Variants in MAU2 observed in about 807,000 individuals in gnomAD.
MAU2 encodes the protein MAU2 sister chromatid cohesion factor.
In MAU2, 9 loss-of-function variants were observed where a neutral mutation model predicts 89.1. The observed-to-expected ratio is 0.10, with a 90% CI of 0.06 to 0.18. MAU2 has a LOEUF of 0.18. Among genes scored for constraint, MAU2 ranks in the 10% least tolerant of loss-of-function variants. The pLI is 1.00. For missense variants in MAU2, 425 were observed against 803.5 expected (o/e 0.53, Z 5.69); for synonymous variants, 357 against 343.4 (o/e 1.04, Z -0.44).
At chr19:19,352,030 G>A (rs2146709842) in intron 16 of MAU2, among the ~76,000 whole-genome samples, 1 of 151,734 alleles carries the variant, frequency 6.6e-6, no homozygotes, top group Middle Eastern at 3.4e-3. Flanking sequence ...TGTATTTTTA[G>A]TAGAAATGGG....
intron 16 of MAU2, among the ~76,000 whole-genome samples, chr19:19,350,703 A>G (rs930421733): frequency 2.0e-5 from 3 of 151,720 alleles, no homozygotes; most frequent in African/African-American, 4.8e-5. Flanking sequence ...GATCGAGACC[A>G]TCCTGGCTAA....
chr19:19,345,808 G>T lies in MAU2; in HGVS notation c.1221+439G>T, dbSNP rs572274557. Among the ~76,000 whole-genome samples the T allele has an allele frequency of 1.3e-5, 2 of 152,154 alleles. No individual in the cohort carries two copies. The highest frequency in any genetic ancestry group is 4.8e-5 in the African/African-American group (2 of 41,438). ...GGAGGACTCTTGGTCCTGCTGGGCCGGAGAGGGTGAAGCAGCACCCCAGGC... is the reference window on the plus strand; with the variant it reads ...GGAGGACTCTTGGTCCTGCTGGGCCTGAGAGGGTGAAGCAGCACCCCAGGC... On this transcript the variant is annotated intron_variant, in intron 12 of 18. Transcript: ENST00000262815. This position sits in a 1 kb window ranked among gnomAD's most constrained non-coding sequence, Gnocchi z 4.9.
Position 19,349,241 on chromosome 19 carries a change from G to A in MAU2, c.1436+9G>A. Reference sequence around the variant, plus strand: ...CGCTACAACGAGGCCAAGTAAGTGTGGGGCAGAGGGTGGCGTGAGGGCCAT... The same window carrying A: ...CGCTACAACGAGGCCAAGTAAGTGTAGGGCAGAGGGTGGCGTGAGGGCCAT... On this transcript the variant is annotated intron_variant, in intron 15 of 18. Coordinates refer to ENST00000262815, the MANE Select transcript of MAU2 (RefSeq NM_015329.4). The A allele has an allele frequency of 6.2e-7, 1 of 1,614,216 alleles. No homozygotes were observed. Among genetic ancestry groups the A allele is most frequent in the Non-Finnish European group, 8.5e-7 (1 of 1,180,048 alleles).
At chr19:19,340,426 T>C (rs1342149757) in intron 5 of MAU2, among the ~76,000 whole-genome samples, 1 of 151,028 alleles carries the variant, frequency 6.6e-6, no homozygotes, top group East Asian at 2.0e-4. Flanking sequence ...GATCACGAGG[T>C]CAGGAGATCG....
chr19:19,340,563 T>C lies in MAU2; in HGVS notation c.552-283T>C, dbSNP rs1205022342. 5.3e-5 allele frequency among the ~76,000 whole-genome samples: 8 copies of C among 150,388 alleles called. 1 individual carries two copies. In the East Asian group the frequency reaches 9.9e-4, roughly 19 times the overall value. On this transcript the variant is annotated intron_variant, in intron 5 of 18. Transcript: ENST00000262815. ...CTGAGGCAGGAGAATGGCGTGAACCTGGGAGGCTGAGCTTGCAGTGAGCTG... is the reference window on the plus strand; with the variant it reads ...CTGAGGCAGGAGAATGGCGTGAACCCGGGAGGCTGAGCTTGCAGTGAGCTG...
chr19:19,334,732 C>A, intron 1 of MAU2: 1 of 397,608 alleles, frequency 2.5e-6, no homozygotes, highest in Non-Finnish European at 3.4e-6. Context: ...CCTCACCTCC[C>A]TGGCCCTCTG....
chr19:19,334,545 C>G (rs544742796), intron 1 of MAU2: 9 of 985,658 alleles, frequency 9.1e-6, no homozygotes, highest in Non-Finnish European at 1.1e-5. Context: ...CCTCCGCACT[C>G]CCTTCGTGAA....
chr19:19,347,677 C>T (rs1055019472), intron 13 of MAU2: 12 of 241,412 alleles, frequency 5.0e-5, no homozygotes, highest in Non-Finnish European at 8.9e-5. Context: ...AGGATGTCGG[C>T]CAGGCATTGA....
intron 16 of MAU2, among the ~76,000 whole-genome samples, chr19:19,351,837 ATTTTTTTTTTTT>A (rs35932608): frequency 0.02 from 1,154 of 59,090 alleles, 11 homozygotes; most frequent in Admixed American, 0.03. Context: ...CTGTTTGGTA[ATTTTTTTTTTTT>A]TTTTTTTTTT....
Position 19,344,880 on chromosome 19 carries a change from C to T in MAU2, c.1109C>T (p.Ser370Phe), listed in dbSNP as rs552627506. Residue 370 changes from serine (S) to phenylalanine (F), a missense_variant, in exon 11 of 19, where the codon TCC becomes TTC. Physicochemically the swap from Ser to Phe is radical, Grantham distance 155. Transcript: ENST00000262815. ...ISQVCQLCQQ[S>F]PRLFSNHAAQ... ...CAGGTCTGCCAGCTGTGCCAGCAGTCCCCCCGGCTCTTCTCCAACCATGCA... is the reference window on the plus strand; with the variant it reads ...CAGGTCTGCCAGCTGTGCCAGCAGTTCCCCCGGCTCTTCTCCAACCATGCA... The T allele has an allele frequency of 1.5e-5, 24 of 1,613,350 alleles. No homozygotes were observed. The Admixed American group carries it at 3.8e-4, about 26-fold the overall frequency.
intron 16 of MAU2, chr19:19,352,909 C>T (rs1171986123): frequency 6.6e-6 from 1 of 152,360 alleles, no homozygotes; most frequent in African/African-American, 2.4e-5. Context: ...CACAGCCAGA[C>T]ACAGCCAAGC....
chr19:19,331,442 C>T (rs1376225124), intron 1 of MAU2, among the ~76,000 whole-genome samples: 1 of 151,026 alleles, frequency 6.6e-6, no homozygotes, highest in Non-Finnish European at 1.5e-5. Flanking sequence ...GTGGAGCTTG[C>T]AGTGAGCTGA....
At chr19:19,332,697 G>A (rs1361220193) in intron 1 of MAU2, among the ~76,000 whole-genome samples, 1 of 152,100 alleles carries the variant, frequency 6.6e-6, no homozygotes. Context: ...GGGGAGATGG[G>A]ATCCTCTCTG....
In MAU2 at chr19:19,355,716, C is replaced by T. The variant is rs764911042; in HGVS notation, c.1776C>T (p.Asp592=). 1.5e-5 allele frequency: 24 copies of T among 1,609,992 alleles called. No homozygotes were observed. In the Middle Eastern group the frequency reaches 6.6e-4, roughly 44 times the overall value. Residue 592 remains aspartate (D), a synonymous_variant, in exon 19 of 19, where the codon GAC becomes GAT. Transcript: ENST00000262815. ...TCCTCTCCTCCCCACAGTGGACAGACGGTCCACCCCCCGTGCAGTTCCAAG... is the reference window on the plus strand; with the variant it reads ...TCCTCTCCTCCCCACAGTGGACAGATGGTCCACCCCCCGTGCAGTTCCAAG... The part of the protein sequence containing the change: ...LPEHNLITWT[D]GPPPVQFQAQ...
intron 1 of MAU2, among the ~76,000 whole-genome samples, chr19:19,328,282 T>C (rs2061527668): frequency 6.6e-6 from 1 of 152,144 alleles, no homozygotes; most frequent in Non-Finnish European, 1.5e-5. Context: ...CTGTAAGTTT[T>C]CATTCTTCTC....
In MAU2 at chr19:19,345,120, C is replaced by T; in HGVS notation, c.1156-184C>T. The T allele has an allele frequency of 2.8e-6, 2 of 717,446 alleles. No individual in the cohort carries two copies. The highest frequency in any genetic ancestry group is 2.7e-5 in the East Asian group (1 of 37,196). The allele number at this position is 717,446 out of a possible 1,614,324, so 44.4% of individuals were successfully genotyped here. A position where few individuals can be genotyped will look rare whatever the true frequency, so the allele number is the denominator to read the frequency against. ...TGCTCCCAGTGAGCATCTTGTCCCA[C>T]CCCACATTGGCTTGGGTCTGAAAGG... On this transcript the variant is annotated intron_variant, in intron 11 of 18. Coordinates refer to ENST00000262815, the MANE Select transcript of MAU2 (RefSeq NM_015329.4). This position sits in a 1 kb window ranked among gnomAD's most constrained non-coding sequence, Gnocchi z 4.9.
At chr19:19,339,339 C>T (rs867124498) in intron 5 of MAU2, among the ~76,000 whole-genome samples, 3 of 151,652 alleles carry the variant, frequency 2.0e-5, no homozygotes, top group Admixed American at 6.6e-5. Flanking sequence ...CCCAGGTACT[C>T]GGGAGGCTGA....
intron 10 of MAU2, 116 bp downstream of exon 10, chr19:19,344,056 C>G (rs531436896): frequency 1.5e-5 from 12 of 806,822 alleles, no homozygotes; most frequent in African/African-American, 1.3e-4. Flanking sequence ...ATCCTGCTGT[C>G]TCGCTGTCGG....
rs952808810 is a variant in MAU2, at chr19:19,345,470, A to G, written c.1221+101A>G. 24 of 1,160,464 alleles carry G rather than the reference A, an allele frequency of 2.1e-5. No homozygotes were observed. The highest frequency in any genetic ancestry group is 5.2e-5 in the Admixed American group (3 of 57,580). 71.9% of individuals were successfully genotyped at this position (1,160,464 alleles called of 1,614,324 possible). ...GGACAGCAGTCGCGCTAGGTCAGCT[A>G]TGCAAAGCCGCAGCCCCAGAGGCAA... On this transcript the variant is annotated intron_variant, in intron 12 of 18. Coordinates refer to ENST00000262815, the MANE Select transcript of MAU2 (RefSeq NM_015329.4). The surrounding 1 kb of genome is among the most constrained non-coding windows in gnomAD (Gnocchi z 4.9).
Sources: allele counts gnomAD v4.1 joint callset (sites outside exome capture counted in the v4.1 genomes callset), GRCh38; gene constraint gnomAD v4.1.1; non-coding constraint Gnocchi (gnomAD v3.1); transcripts MANE v1.5; gene names NCBI Gene and HGNC (gene_info 2026-07-23, HGNC 2026-07-21).